SLIT3: variants seen among roughly 807,000 people sequenced by gnomAD.
The protein encoded by SLIT3 is slit guidance ligand 3, also known as slit homolog 3 protein.
In SLIT3, 68 loss-of-function variants were observed where a neutral mutation model predicts 184.0. That is an observed-to-expected ratio of 0.37 (90% CI 0.30 to 0.45). The LOEUF is 0.45. Ranked by LOEUF, SLIT3 falls within the 20% of genes least tolerant of loss-of-function variation. The pLI is 1.00. For missense variants in SLIT3, 1,707 were observed against 2,026.0 expected (o/e 0.84, Z 3.02); for synonymous variants, 831 against 828.6 (o/e 1.00, Z -0.05).
intron 1 of SLIT3, among the ~76,000 whole-genome samples, chr5:169,262,178 C>T (rs1766214658): frequency 6.6e-6 from 1 of 152,112 alleles, no homozygotes; most frequent in African/African-American, 2.4e-5. Context: ...TTTTAAGCCA[C>T]GAAGTTTGCT....
chr5:168,790,432 C>T (rs1301515815), intron 10 of SLIT3: 1 of 152,220 alleles, frequency 6.6e-6, no homozygotes, highest in African/African-American at 2.4e-5. Flanking sequence ...GACCCTGGCT[C>T]CTTCCCAGAG....
intron 4 of SLIT3, among the ~76,000 whole-genome samples, chr5:168,997,265 G>A (rs1033093470): frequency 2.6e-5 from 4 of 152,100 alleles, no homozygotes; most frequent in African/African-American, 7.2e-5. Context: ...TTGGAGGGTT[G>A]GGAAGGGGCA....
intron 4 of SLIT3, among the ~76,000 whole-genome samples, chr5:168,901,048 C>T (rs958808915): frequency 2.6e-5 from 4 of 152,120 alleles, no homozygotes; most frequent in African/African-American, 9.7e-5. Context: ...CTGACTTCAT[C>T]ACCCTGTGAT....
intron 1 of SLIT3, among the ~76,000 whole-genome samples, chr5:169,284,557 T>C (rs1288449719): frequency 6.6e-6 from 1 of 152,242 alleles, no homozygotes; most frequent in Non-Finnish European, 1.5e-5. Context: ...TGTCAGGGTC[T>C]GAGACAGAAG....
At chr5:168,804,138 C>A (rs1294711860) in intron 9 of SLIT3, among the ~76,000 whole-genome samples, 1 of 151,650 alleles carries the variant, frequency 6.6e-6, no homozygotes, top group East Asian at 1.9e-4. Context: ...AAAACCCCGT[C>A]TCTACTAAAA....
At chr5:169,191,678 G>C (rs1197648664) in intron 4 of SLIT3, among the ~76,000 whole-genome samples, 1 of 152,172 alleles carries the variant, frequency 6.6e-6, no homozygotes, top group Non-Finnish European at 1.5e-5. Context: ...ACGTGGCAGA[G>C]GACATAACTC....
At chr5:168,686,403 A>G (rs577791098) in intron 30 of SLIT3, among the ~76,000 whole-genome samples, 1 of 152,362 alleles carries the variant, frequency 6.6e-6, no homozygotes, top group East Asian at 1.9e-4. Context: ...GTTCAGCAGT[A>G]AAAACAAAGG....
intron 4 of SLIT3, among the ~76,000 whole-genome samples, chr5:168,890,146 A>AAG (rs1438908839): frequency 7.9e-5 from 12 of 151,262 alleles, no homozygotes; most frequent in African/African-American, 2.9e-4. Context: ...CTAAAAAAAA[A>AAG]AAAAAAAAAA....
chr5:168,974,803 C>T (rs1056149674), intron 4 of SLIT3, among the ~76,000 whole-genome samples: 4 of 152,238 alleles, frequency 2.6e-5, no homozygotes, highest in African/African-American at 9.6e-5. Context: ...CCCTGACTGT[C>T]TAACTCCCAT....
intron 4 of SLIT3, among the ~76,000 whole-genome samples, chr5:169,041,899 G>T (rs1200267834): frequency 6.6e-6 from 1 of 152,176 alleles, no homozygotes; most frequent in African/African-American, 2.4e-5. Context: ...AACCCAAGTG[G>T]ATAGGTATAG....
chr5:169,076,343 T>G (rs1758741073), intron 4 of SLIT3, among the ~76,000 whole-genome samples: 1 of 152,214 alleles, frequency 6.6e-6, no homozygotes. Flanking sequence ...AACCCAGGGC[T>G]GCTATGTAAT....
At position 168,826,431 on chromosome 5, in the gene SLIT3, T is replaced by C. The variant is rs1008560216; in HGVS notation, c.558-3100A>G. Among the ~76,000 whole-genome samples the C allele has an allele frequency of 3.9e-5, 6 of 152,190 alleles. 1 individual carries two copies. Among genetic ancestry groups the C allele is most frequent in the South Asian group, 4.1e-4 (2 of 4,824 alleles). ...CAGCTTTTGCCCACACACAGAGTAC[T>C]GCATTCTATTTGCTTCTTGTGCCGC... On this transcript the variant is annotated intron_variant, in intron 6 of 35. Transcript: ENST00000519560.
At chr5:169,128,642 G>A (rs911337844) in intron 4 of SLIT3, among the ~76,000 whole-genome samples, 21 of 152,204 alleles carry the variant, frequency 1.4e-4, no homozygotes, top group African/African-American at 4.8e-4. Flanking sequence ...TCTTGGCCAG[G>A]CTGGTTTGAA....
At chr5:169,129,935 A>C (rs1416322802) in intron 4 of SLIT3, among the ~76,000 whole-genome samples, 1 of 151,688 alleles carries the variant, frequency 6.6e-6, no homozygotes, top group Non-Finnish European at 1.5e-5. Context: ...TGCAACCTCC[A>C]CCTCCTGGGT....
chr5:168,738,651 C>T (rs1304564664), intron 20 of SLIT3, among the ~76,000 whole-genome samples: 1 of 152,076 alleles, frequency 6.6e-6, no homozygotes, highest in Non-Finnish European at 1.5e-5. Flanking sequence ...AAAAAAGCAA[C>T]TCACAGGCTG....
chr5:169,109,688 C>T (rs992964787), intron 4 of SLIT3, among the ~76,000 whole-genome samples: 11 of 152,128 alleles, frequency 7.2e-5, no homozygotes, highest in Admixed American at 3.3e-4. Context: ...CTACCATCTC[C>T]CTATTTCACT....
intron 5 of SLIT3, among the ~76,000 whole-genome samples, chr5:168,850,197 A>G (rs1758620734): frequency 6.6e-6 from 1 of 152,244 alleles, no homozygotes; most frequent in African/African-American, 2.4e-5. Context: ...GATCTAAGCC[A>G]CAATCTGCTA....
chr5:168,783,728 A>G (rs1463698593), intron 12 of SLIT3, among the ~76,000 whole-genome samples: 1 of 152,144 alleles, frequency 6.6e-6, no homozygotes, highest in Non-Finnish European at 1.5e-5. Flanking sequence ...CTGAACACTA[A>G]ATTAGATCGA....
At position 168,974,704 on chromosome 5, in the gene SLIT3, C is replaced by T. The variant is rs1449023641; in HGVS notation, c.414-91368G>A. 4.6e-5 allele frequency among the ~76,000 whole-genome samples: 7 copies of T among 152,208 alleles called. No individual in the cohort carries two copies. In the South Asian group the frequency reaches 1.2e-3, roughly 27 times the overall value. Reference sequence around the variant, plus strand: ...ACCAGTTCAGAATGTGGTCACTTCTCTCTTTAGGGAGGGGCTGTCACCCAC... The same window carrying T: ...ACCAGTTCAGAATGTGGTCACTTCTTTCTTTAGGGAGGGGCTGTCACCCAC... On this transcript the variant is annotated intron_variant, in intron 4 of 35. Transcript: ENST00000519560.
Sources: gnomAD v4.1 joint callset for allele counts (sites outside exome capture counted in the v4.1 genomes callset) on GRCh38, gnomAD v4.1.1 for gene constraint, MANE v1.5 for transcripts, NCBI Gene and HGNC (gene_info 2026-07-23, HGNC 2026-07-21) for gene names.